Variants in PDK3 observed in about 807,000 individuals in gnomAD.
PDK3 encodes pyruvate dehydrogenase kinase, isozyme 3.
Under a neutral mutation model 32.0 loss-of-function variants are expected in PDK3, and 12 were observed. That is an observed-to-expected ratio of 0.37 (90% CI 0.24 to 0.61). PDK3 has a LOEUF of 0.61. Among genes scored for constraint, PDK3 ranks in the 20% least tolerant of loss-of-function variants. The probability of loss-of-function intolerance (pLI) is 0.65; values close to 1 mark genes in which losing one functional copy is unlikely to be tolerated. For synonymous variants in PDK3, 122 were observed against 116.3 expected, an observed-to-expected ratio of 1.05 and a Z score of -0.31; for missense variants, 188 against 316.9, an observed-to-expected ratio of 0.59 and a Z score of 3.09.
chrX:24,509,654 A>G (rs1029879325), intron 5 of PDK3, among the ~76,000 whole-genome samples: 1 of 111,404 alleles, frequency 9.0e-6, no homozygotes. Context: ...ATCCTCCCTT[A>G]AGGAAAAAAA....
chrX:24,474,071 A>G (rs750109223), intron 1 of PDK3, among the ~76,000 whole-genome samples: 2 of 111,782 alleles, frequency 1.8e-5, no homozygotes, highest in South Asian at 7.3e-4. Context: ...TCTGGTTCCC[A>G]TATTAACCAC....
At chrX:24,510,493 T>C (rs1461141857) in intron 5 of PDK3, among the ~76,000 whole-genome samples, 1 of 112,491 alleles carries the variant, frequency 8.9e-6, no homozygotes, top group Non-Finnish European at 1.9e-5. Flanking sequence ...GTTTTCATAA[T>C]TTAGTGAGAA....
At chrX:24,532,550 A>G (rs983977601) in intron 10 of PDK3, among the ~76,000 whole-genome samples, 9 of 111,683 alleles carry the variant, frequency 8.1e-5, no homozygotes, top group Non-Finnish European at 1.1e-4. Context: ...TCTAAACTCT[A>G]GAATATTTGT....
intron 1 of PDK3, among the ~76,000 whole-genome samples, chrX:24,489,494 G>A (rs1921492801): frequency 1.8e-5 from 2 of 110,255 alleles, no homozygotes; most frequent in Non-Finnish European, 3.8e-5. Flanking sequence ...AGACCAGCTA[G>A]TCCAACATGG....
intron 1 of PDK3, among the ~76,000 whole-genome samples, chrX:24,483,509 A>G (rs972427546): frequency 3.6e-5 from 4 of 111,629 alleles, no homozygotes; most frequent in Non-Finnish European, 7.5e-5. Flanking sequence ...CTGCCACTGT[A>G]TTGTCTTCCT....
At chrX:24,491,278 CAAAAA>C (rs55876160) in intron 1 of PDK3, among the ~76,000 whole-genome samples, 1 of 68,807 alleles carries the variant, frequency 1.5e-5, no homozygotes. Flanking sequence ...GACCCTGTCT[CAAAAA>C]AAAAAAAAAA....
intron 6 of PDK3, among the ~76,000 whole-genome samples, chrX:24,521,448 CTT>C (rs1415614894): frequency 9.0e-6 from 1 of 110,935 alleles, no homozygotes; most frequent in Non-Finnish European, 1.9e-5. Context: ...TTCAAGGTCT[CTT>C]GGGTTCTCTG....
intron 1 of PDK3, among the ~76,000 whole-genome samples, chrX:24,479,406 C>T (rs1483668513): frequency 8.9e-6 from 1 of 111,804 alleles, no homozygotes; most frequent in Non-Finnish European, 1.9e-5. Flanking sequence ...TATTCTCTAC[C>T]GTGTTATCTC....
At chrX:24,477,942 T>G (rs1346459527) in intron 1 of PDK3, among the ~76,000 whole-genome samples, 1 of 112,481 alleles carries the variant, frequency 8.9e-6, no homozygotes, top group Admixed American at 9.5e-5. Flanking sequence ...ATTTTAACTT[T>G]GTAATTTATG....
chrX:24,544,991 G>A (rs991120886), exon 12 of PDK3, among the ~76,000 whole-genome samples: 3 of 112,382 alleles, frequency 2.7e-5, no homozygotes, highest in Non-Finnish European at 5.6e-5. Flanking sequence ...TAACTTTTAA[G>A]TCAAGTTCCT....
chrX:24,543,719 G>T (rs1179630087), exon 12 of PDK3, among the ~76,000 whole-genome samples: 2 of 111,433 alleles, frequency 1.8e-5, no homozygotes, highest in Non-Finnish European at 3.8e-5. Flanking sequence ...AAAGTTCTTG[G>T]ATTATAGGTG....
chrX:24,545,090 A>T (rs1922969231), exon 12 of PDK3, among the ~76,000 whole-genome samples: 1 of 111,876 alleles, frequency 8.9e-6, no homozygotes. Context: ...AGCCATTGAC[A>T]ATTATTAGTT....
intron 8 of PDK3, 55 bp downstream of exon 8, chrX:24,527,730 C>G: frequency 1.5e-6 from 1 of 675,417 alleles, no homozygotes; most frequent in Non-Finnish European, 2.2e-6. Flanking sequence ...TTAATAGTAT[C>G]TAGACATTGA....
chrX:24,486,054 T>G (rs139310340), intron 1 of PDK3, among the ~76,000 whole-genome samples: 1 of 111,970 alleles, frequency 8.9e-6, no homozygotes, highest in African/African-American at 3.3e-5. Flanking sequence ...AAGATGGCCA[T>G]GAGGATACTT....
At chrX:24,535,520 A>AAGAAG (rs1555951173), downstream of PDK3, among the ~76,000 whole-genome samples, 1 of 99,981 alleles carries the variant, frequency 1.0e-5, no homozygotes, top group Non-Finnish European at 2.1e-5. Context: ...AAAAAAAAAA[A>AAGAAG]AAGAAGAAGA....
At chrX:24,532,039 G>T (rs1174349952) in intron 10 of PDK3, among the ~76,000 whole-genome samples, 2 of 111,908 alleles carry the variant, frequency 1.8e-5, no homozygotes, top group East Asian at 5.6e-4. Flanking sequence ...GCTGAGGTGG[G>T]TGGATCACCT....
At chrX:24,521,844 T>C (rs1240629624) in intron 6 of PDK3, among the ~76,000 whole-genome samples, 1 of 112,197 alleles carries the variant, frequency 8.9e-6, no homozygotes, top group Non-Finnish European at 1.9e-5. Context: ...ATCACTAAGA[T>C]AAATGAATGC....
chrX:24,489,171 G>C (rs962500904), intron 1 of PDK3, among the ~76,000 whole-genome samples: 2 of 111,540 alleles, frequency 1.8e-5, no homozygotes, highest in African/African-American at 6.5e-5. Flanking sequence ...TTAATACATA[G>C]GAAAGATACT....
chrX:24,525,848 G>A (rs1275960185), intron 6 of PDK3, among the ~76,000 whole-genome samples: 1 of 112,254 alleles, frequency 8.9e-6, no homozygotes, highest in Non-Finnish European at 1.9e-5. Context: ...AGTGGCAGAA[G>A]GTAGCCCCCA....
Sources: allele counts gnomAD v4.1 joint callset (sites outside exome capture counted in the v4.1 genomes callset), GRCh38; gene constraint gnomAD v4.1.1; transcripts MANE v1.5; gene names NCBI Gene and HGNC (gene_info 2026-07-23, HGNC 2026-07-21).